ZFYVE28: variants seen among roughly 807,000 people sequenced by gnomAD.
The protein encoded by ZFYVE28 is lateral signaling target protein 2 homolog.
A neutral mutation model predicts 82.1 loss-of-function variants in ZFYVE28; 40 were observed. The ratio of observed to expected loss-of-function variants is 0.49; its 90% confidence interval spans 0.38 to 0.63. ZFYVE28 has a LOEUF of 0.63. Ranked by LOEUF, ZFYVE28 falls within the 30% of genes least tolerant of loss-of-function variation. The pLI is 0.00. For synonymous variants in ZFYVE28, 612 were observed against 546.1 expected, an observed-to-expected ratio of 1.12 and a Z score of -1.68; for missense variants, 1,321 against 1,242.1, an observed-to-expected ratio of 1.06 and a Z score of -0.96.
At chr4:2,324,924 T>G (rs1719643006) in intron 6 of ZFYVE28, 1 of 189,116 alleles carries the variant, frequency 5.3e-6, no homozygotes, top group Non-Finnish European at 1.1e-5. Flanking sequence ...ACTTACCAAC[T>G]TACCAAGGCC....
Position 2,320,276 on chromosome 4 carries a change from A to G in ZFYVE28, c.702-5T>C, listed in dbSNP as rs1453019088. On this transcript the variant is annotated splice_polypyrimidine_tract_variant and splice_region_variant and intron_variant, in intron 6 of 12. Coordinates refer to ENST00000290974, the MANE Select transcript of ZFYVE28 (RefSeq NM_020972.3). The surrounding 1 kb of genome is among the most constrained non-coding windows in gnomAD (Gnocchi z 5.1). Reference sequence around the variant, plus strand: ...TCCGCATAGACCACGAGGCCACTGCATTTGAGACACAAAAGCCAGGATGTC... The same window carrying G: ...TCCGCATAGACCACGAGGCCACTGCGTTTGAGACACAAAAGCCAGGATGTC... 6.2e-7 allele frequency: 1 copy of G among 1,613,126 alleles called. No homozygotes were observed. The highest frequency in any genetic ancestry group is 8.5e-7 in the Non-Finnish European group (1 of 1,179,416).
At position 2,385,404 on chromosome 4, in the gene ZFYVE28, C is replaced by T. The variant is rs149885759; in HGVS notation, c.40-31331G>A. Among the ~76,000 whole-genome samples the T allele has an allele frequency of 5.1e-3, 772 of 151,822 alleles. 7 individuals carry two copies. Among genetic ancestry groups the T allele is most frequent in the African/African-American group, 0.018 (732 of 41,392 alleles). On this transcript the variant is annotated intron_variant, in intron 1 of 12. Coordinates refer to ENST00000290974, the MANE Select transcript of ZFYVE28 (RefSeq NM_020972.3). ...GCACCTGCTGCCCTTACAGCCCCAG[C>T]GCTGAGAGAGCACCTGCTGCCCTTA...
intron 1 of ZFYVE28, among the ~76,000 whole-genome samples, chr4:2,380,309 T>C (rs1385343605): frequency 2.0e-5 from 3 of 152,164 alleles, no homozygotes; most frequent in Non-Finnish European, 4.4e-5. Context: ...CGTTTTGACT[T>C]AGGTAAGTGC....
intron 1 of ZFYVE28, among the ~76,000 whole-genome samples, chr4:2,358,713 CTG>C (rs1457371439): frequency 6.6e-6 from 1 of 152,208 alleles, no homozygotes; most frequent in Non-Finnish European, 1.5e-5. Flanking sequence ...ATGGGCTAAA[CTG>C]TGACCACACC....
chr4:2,323,078 A>G (rs150202718), intron 6 of ZFYVE28, among the ~76,000 whole-genome samples: 1 of 152,342 alleles, frequency 6.6e-6, no homozygotes, highest in Non-Finnish European at 1.5e-5. Context: ...GGTATGTGGT[A>G]TGACCATATG....
chr4:2,364,842 A>T (rs1726657724), intron 1 of ZFYVE28: 2 of 985,472 alleles, frequency 2.0e-6, no homozygotes, highest in Non-Finnish European at 2.4e-6. Flanking sequence ...ATACCGCGAT[A>T]AAACCCCCAC....
intron 2 of ZFYVE28, among the ~76,000 whole-genome samples, chr4:2,346,512 A>G (rs1000253096): frequency 6.6e-6 from 1 of 152,162 alleles, no homozygotes; most frequent in Non-Finnish European, 1.5e-5. Context: ...TTTTTAATTT[A>G]AAAAATTGAC....
chr4:2,354,413 G>A (rs1351757882), intron 1 of ZFYVE28, among the ~76,000 whole-genome samples: 2 of 151,948 alleles, frequency 1.3e-5, no homozygotes, highest in African/African-American at 4.8e-5. Flanking sequence ...GGAAGAGTGG[G>A]GTCCCCGGCG....
chr4:2,293,614 G>C (rs565778303), intron 8 of ZFYVE28, among the ~76,000 whole-genome samples: 2 of 151,830 alleles, frequency 1.3e-5, no homozygotes, highest in African/African-American at 4.8e-5. Context: ...TTAGCTGGGC[G>C]TAGTGGCAGG....
rs1221941379 is a variant in ZFYVE28 at position 2,394,247 on chromosome 4, C to T, written c.39+24038G>A. On this transcript the variant is annotated intron_variant, in intron 1 of 12. Transcript: ENST00000290974. The surrounding 1 kb of genome is among the most constrained non-coding windows in gnomAD (Gnocchi z 4.0). ...CGAGCAGGCGTAGTTCCATCTTTAA[C>T]CTTTACTTCCCCTTTGCCACACACC... Among the ~76,000 whole-genome samples, 1 of 152,212 alleles carries T rather than the reference C, an allele frequency of 6.6e-6. No individual in the cohort carries two copies. Among genetic ancestry groups the T allele is most frequent in the South Asian group, 2.1e-4 (1 of 4,834 alleles).
chr4:2,329,031 T>G, intron 6 of ZFYVE28: 1 of 678,496 alleles, frequency 1.5e-6, no homozygotes, highest in South Asian at 1.5e-5. Flanking sequence ...TGTAGTAAGT[T>G]TTGAAATCAG....
At chr4:2,400,756 T>C (rs1185358627) in intron 1 of ZFYVE28, among the ~76,000 whole-genome samples, 2 of 152,132 alleles carry the variant, frequency 1.3e-5, no homozygotes, top group Non-Finnish European at 2.9e-5. Flanking sequence ...CCTTTCACGT[T>C]CTTCTGCCTG....
rs1422122074 is a variant in ZFYVE28, at chr4:2,372,322, G to C, written c.40-18249C>G. Among the ~76,000 whole-genome samples the C allele has an allele frequency of 6.6e-6, 1 of 152,070 alleles. No homozygotes were observed. Among genetic ancestry groups the C allele is most frequent in the African/African-American group, 2.4e-5 (1 of 41,404 alleles). ...CACCCTCACAGGAACACAGAGGCGT[G>C]TCTTCACAGCCCTACGCTGCCTCCC... On this transcript the variant is annotated intron_variant, in intron 1 of 12. Coordinates refer to ENST00000290974, the MANE Select transcript of ZFYVE28 (RefSeq NM_020972.3). This position sits in a 1 kb window ranked among gnomAD's most constrained non-coding sequence, Gnocchi z 5.2.
chr4:2,352,849 G>C (rs932444236), intron 2 of ZFYVE28, among the ~76,000 whole-genome samples: 8 of 152,174 alleles, frequency 5.3e-5, no homozygotes, highest in African/African-American at 1.9e-4. Flanking sequence ...CTCCCCAAAG[G>C]TTGCCATGAG....
Position 2,320,101 on chromosome 4 carries a change from G to C in ZFYVE28, c.803+69C>G, listed in dbSNP as rs991113554. On this transcript the variant is annotated intron_variant, in intron 7 of 12. Transcript: ENST00000290974. The surrounding 1 kb of genome is among the most constrained non-coding windows in gnomAD (Gnocchi z 5.1). ...GGACCTGGAGGCGGCGGCTAAACAT[G>C]ACTTCAGCGCCCACCTGTGGCCCTC... 26 of 1,478,062 alleles carry C rather than the reference G, an allele frequency of 1.8e-5. No individual in the cohort carries two copies. Among genetic ancestry groups the C allele is most frequent in the East Asian group, 9.2e-5 (4 of 43,438 alleles). 91.6% of individuals were successfully genotyped at this position (1,478,062 alleles called of 1,614,324 possible).
At chr4:2,354,412 G>A (rs139496439) in intron 1 of ZFYVE28, among the ~76,000 whole-genome samples, 1 of 152,152 alleles carries the variant, frequency 6.6e-6, no homozygotes, top group East Asian at 1.9e-4. Flanking sequence ...GGGAAGAGTG[G>A]GGTCCCCGGC....
At chr4:2,276,898 C>T (rs372434089) in intron 8 of ZFYVE28, among the ~76,000 whole-genome samples, 7 of 151,910 alleles carry the variant, frequency 4.6e-5, no homozygotes, top group African/African-American at 9.7e-5. Context: ...GACAGTTGCA[C>T]GGCACTGAGT....
At chr4:2,375,512 A>G (rs1462831390) in intron 1 of ZFYVE28, among the ~76,000 whole-genome samples, 3 of 152,250 alleles carry the variant, frequency 2.0e-5, no homozygotes, top group African/African-American at 7.2e-5. Flanking sequence ...GTGCTGGCTC[A>G]TGCCCACTGA....
At chr4:2,389,502 G>A (rs1729606508) in intron 1 of ZFYVE28, among the ~76,000 whole-genome samples, 1 of 152,208 alleles carries the variant, frequency 6.6e-6, no homozygotes, top group South Asian at 2.1e-4. Flanking sequence ...AGAAGAAGCT[G>A]TAGAGTGCCT....
Sources: allele counts gnomAD v4.1 joint callset (sites outside exome capture counted in the v4.1 genomes callset), GRCh38; gene constraint gnomAD v4.1.1; non-coding constraint Gnocchi (gnomAD v3.1); transcripts MANE v1.5; gene names NCBI Gene and HGNC (gene_info 2026-07-23, HGNC 2026-07-21).